Variants in SGF29 observed in about 807,000 individuals in gnomAD.
The protein encoded by SGF29 is SAGA-associated factor 29.
Under a neutral mutation model 38.1 loss-of-function variants are expected in SGF29, and 15 were observed. The observed-to-expected ratio is 0.39, with a 90% confidence interval of 0.26 to 0.61. The LOEUF (loss-of-function observed/expected upper bound fraction) is 0.61. Among genes scored for constraint, SGF29 ranks in the 20% least tolerant of loss-of-function variants. The probability of loss-of-function intolerance (pLI) is 0.49; values close to 1 mark genes in which losing one functional copy is unlikely to be tolerated. For missense variants in SGF29, 184 were observed against 394.6 expected, an observed-to-expected ratio of 0.47 and a Z score of 4.52; for synonymous variants, 151 against 160.8, an observed-to-expected ratio of 0.94 and a Z score of 0.46.
chr16:28,570,686 C>CAGG (rs2046859941), intron 1 of SGF29, among the ~76,000 whole-genome samples: 1 of 151,970 alleles, frequency 6.6e-6, no homozygotes, highest in African/African-American at 2.4e-5. Flanking sequence ...TTAAGTGATT[C>CAGG]TCCTGCCTCA....
At chr16:28,586,302 C>T (rs1302620653) in intron 4 of SGF29, among the ~76,000 whole-genome samples, 27 of 151,934 alleles carry the variant, frequency 1.8e-4, no homozygotes, top group Admixed American at 1.6e-3. Context: ...TGCCTGCAAT[C>T]GCAAGGTGGG....
At chr16:28,584,744 G>A (rs1348657629) in intron 2 of SGF29, among the ~76,000 whole-genome samples, 169 bp from the exon 3 acceptor site, 2 of 149,428 alleles carry the variant, frequency 1.3e-5, no homozygotes, top group Admixed American at 6.7e-5. Context: ...AGCCGAGATC[G>A]TGCCACTACA....
chr16:28,560,180 C>T (rs148057316), intron 1 of SGF29, among the ~76,000 whole-genome samples: 3 of 151,748 alleles, frequency 2.0e-5, no homozygotes, highest in East Asian at 1.9e-4. Flanking sequence ...GAGCTGAGAT[C>T]GTGCCACCAC....
intron 1 of SGF29, among the ~76,000 whole-genome samples, chr16:28,565,580 C>G (rs1176927821): frequency 5.9e-5 from 9 of 152,108 alleles, no homozygotes. Context: ...TCACTGTAAC[C>G]TCCTCCTCCT....
chr16:28,585,240 C>A (rs551192767), intron 3 of SGF29: 1 of 522,856 alleles, frequency 1.9e-6, no homozygotes, highest in South Asian at 2.7e-5. Flanking sequence ...CACACAAGCG[C>A]CCCAGTTAGC....
chr16:28,570,863 C>T (rs1330255438), intron 1 of SGF29, among the ~76,000 whole-genome samples: 1 of 152,044 alleles, frequency 6.6e-6, no homozygotes, highest in Non-Finnish European at 1.5e-5. Context: ...AGGCATGATA[C>T]ACCACACCCA....
chr16:28,554,599 C>T (rs1359560629), intron 1 of SGF29, among the ~76,000 whole-genome samples: 1 of 151,978 alleles, frequency 6.6e-6, no homozygotes, highest in East Asian at 1.9e-4. Context: ...CGTGAGCCCC[C>T]GCGCCCGGCC....
At chr16:28,589,955 G>T (rs978565777) in intron 5 of SGF29, 141 bp from the exon 6 acceptor site, 21 of 1,205,396 alleles carry the variant, frequency 1.7e-5, no homozygotes, top group Non-Finnish European at 2.4e-5. Context: ...ATGGCCGATG[G>T]GGTCACAGTC....
chr16:28,559,772 C>T (rs534431956), intron 1 of SGF29, among the ~76,000 whole-genome samples: 1 of 152,170 alleles, frequency 6.6e-6, no homozygotes, highest in Non-Finnish European at 1.5e-5. Context: ...AAGATCAGTA[C>T]AGATTTCAGC....
intron 3 of SGF29, 44 bp downstream of exon 3, chr16:28,585,032 AG>A (rs755212083): frequency 1.3e-6 from 2 of 1,497,218 alleles, no homozygotes; most frequent in South Asian, 2.3e-5. Context: ...AGATGGGGCT[AG>A]GGTGAGTATG....
intron 1 of SGF29, among the ~76,000 whole-genome samples, chr16:28,579,531 C>G (rs1226600502): frequency 6.6e-6 from 1 of 151,186 alleles, no homozygotes; most frequent in Non-Finnish European, 1.5e-5. Flanking sequence ...GCTGGGATTA[C>G]AGGCATGAGC....
intron 4 of SGF29, among the ~76,000 whole-genome samples, chr16:28,588,112 T>A (rs750482123): frequency 2.0e-5 from 3 of 152,164 alleles, no homozygotes; most frequent in Non-Finnish European, 4.4e-5. Context: ...GCTGTGGAAA[T>A]ACTCTTTGGG....
chr16:28,590,833 G>C lies in SGF29; in HGVS notation c.663G>C (p.Glu221Asp), dbSNP rs2046985125. 1 of 1,614,070 alleles carries C rather than the reference G, an allele frequency of 6.2e-7. No individual in the cohort carries two copies. Among genetic ancestry groups the C allele is most frequent in the African/African-American group, 1.3e-5 (1 of 75,020 alleles). ...IPLPQWKANP[E>D]TDPEALFQKE... ...TGCCCCAGTGGAAGGCCAACCCGGAGACGGACCCTGAGGCCTTGTTCCAGA... is the reference window on the plus strand; with the variant it reads ...TGCCCCAGTGGAAGGCCAACCCGGACACGGACCCTGAGGCCTTGTTCCAGA... The change falls in exon 9 of 10, where the codon GAG becomes GAC. Residue 221 changes from glutamate (E) to aspartate (D), a missense_variant. This residue lies in a region of SGF29 where 107 missense variants were observed against 276.9 expected (regional missense o/e 0.39). Transcript: ENST00000317058. The surrounding 1 kb of genome is among the most constrained non-coding windows in gnomAD (Gnocchi z 8.2).
intron 1 of SGF29, among the ~76,000 whole-genome samples, chr16:28,564,025 G>A (rs1823887706): frequency 6.6e-6 from 1 of 152,170 alleles, no homozygotes; most frequent in African/African-American, 2.4e-5. Context: ...GGGATTAGAG[G>A]CTTAAGCCAC....
intron 4 of SGF29, chr16:28,588,619 C>T (rs1318586695): frequency 2.3e-6 from 1 of 433,450 alleles, no homozygotes; most frequent in South Asian, 1.7e-5. Context: ...GGTTGGAGTG[C>T]AATGACGCGA....
intron 1 of SGF29, among the ~76,000 whole-genome samples, chr16:28,564,038 T>C (rs889142021): frequency 5.9e-5 from 9 of 152,162 alleles, no homozygotes; most frequent in African/African-American, 1.9e-4. Context: ...TAAGCCACTG[T>C]GCCTGGCCAA....
chr16:28,566,312 G>T (rs951457626), intron 1 of SGF29, among the ~76,000 whole-genome samples: 5 of 151,790 alleles, frequency 3.3e-5, no homozygotes, highest in Admixed American at 6.6e-5. Context: ...AGGGTCTTAG[G>T]GGAACAGAAA....
chr16:28,554,486 T>G (rs570262129), intron 1 of SGF29, among the ~76,000 whole-genome samples: 5 of 152,254 alleles, frequency 3.3e-5, no homozygotes, highest in Admixed American at 3.3e-4. Context: ...GCACAAAAAT[T>G]TTGTATATAT....
At chr16:28,582,349 G>T (rs1381229756) in intron 2 of SGF29, among the ~76,000 whole-genome samples, 1 of 151,230 alleles carries the variant, frequency 6.6e-6, no homozygotes, top group Admixed American at 6.6e-5. Context: ...AGGATTTTAG[G>T]GGGTGGAACT....
Sources: allele counts gnomAD v4.1 joint callset (sites outside exome capture counted in the v4.1 genomes callset), GRCh38; gene constraint gnomAD v4.1.1; regional missense constraint gnomAD v4.1.1; non-coding constraint Gnocchi (gnomAD v3.1); transcripts MANE v1.5; gene names NCBI Gene and HGNC (gene_info 2026-07-23, HGNC 2026-07-21).